Variants in MAP2K7 observed in about 807,000 individuals in gnomAD.
MAP2K7 encodes dual specificity mitogen-activated protein kinase kinase 7.
MAP2K7 carries 12 observed loss-of-function variants against 47.7 expected under a neutral mutation model. The observed-to-expected ratio is 0.25, with a 90% confidence interval of 0.16 to 0.41. The LOEUF (loss-of-function observed/expected upper bound fraction) is 0.41. Ranked by LOEUF, MAP2K7 falls within the 10% of genes least tolerant of loss-of-function variation. The pLI, the probability that MAP2K7 is intolerant of heterozygous loss-of-function variation, is 1.00. For synonymous variants in MAP2K7, 299 were observed against 243.0 expected (o/e 1.23, Z -2.14); for missense variants, 415 against 600.3 (o/e 0.69, Z 3.23).
Position 7,911,283 on chromosome 19 carries a change from C to A in MAP2K7, c.889C>A (p.Pro297Thr). The A allele has an allele frequency of 6.2e-7, 1 of 1,613,272 alleles. No homozygotes were observed. Residue 297 changes from proline to threonine, a missense_variant, in exon 8 of 11, where the codon CCG becomes ACG. Transcript: ENST00000397979. ...CATTGACCCCCCAGACCCCACCAAG[C>A]CGGACTATGACATCCGGGCCGACGT... is the stretch of plus-strand genomic sequence containing the variant. Reference protein sequence around the residue: ...ERIDPPDPTKPDYDIRADVWS... With the variant: ...ERIDPPDPTKTDYDIRADVWS...
At position 7,909,851 on chromosome 19, in the gene MAP2K7, T is replaced by C; in HGVS notation, c.221T>C (p.Met74Thr). The change falls in exon 2 of 11, where the codon ATG becomes ACG. Residue 74 changes from methionine to threonine, a missense_variant. Transcript: ENST00000397979. The stretch of plus-strand genomic sequence containing the variant: ...ACGCCCCCCGCCCGGCCCCGCCACA[T>C]GCTGGGGCTCCCGTCAACCCTGTTC... ...HPTPPARPRH[M>T]LGLPSTLFTP... 1 of 1,539,940 alleles carries C rather than the reference T, an allele frequency of 6.5e-7. No individual in the cohort carries two copies. Among genetic ancestry groups the C allele is most frequent in the Non-Finnish European group, 8.8e-7 (1 of 1,142,848 alleles).
intron 1 of MAP2K7, chr19:7,904,511 C>T (rs1228581152): frequency 6.5e-6 from 2 of 309,096 alleles, no homozygotes; most frequent in East Asian, 3.1e-4. Context: ...CAGCGACGAT[C>T]TACGCACACG....
At position 7,903,930 on chromosome 19, in the gene MAP2K7, G is replaced by GTGGCGGCGGGGAAGA. The variant is rs1310331318; in HGVS notation, c.-6_9dup. 2.4e-5 allele frequency: 37 copies of GTGGCGGCGGGGAAGA among 1,512,302 alleles called. No individual in the cohort carries two copies. Among genetic ancestry groups the GTGGCGGCGGGGAAGA allele is most frequent in the Non-Finnish European group, 3.2e-5 (36 of 1,129,974 alleles). 93.7% of individuals were successfully genotyped at this position (1,512,302 alleles called of 1,614,324 possible). On this transcript the variant is annotated 5_prime_UTR_variant, in exon 1 of 11. The change creates a new upstream start codon in the 5' untranslated region. Coordinates refer to ENST00000397979, the MANE Select transcript of MAP2K7 (RefSeq NM_145185.4). ...GGCGGCCGGGCGGTGCGCGGCGGCG[G>GTGGCGGCGGGGAAGA]TGGCGGCGGGGAAGATGGCGGCGTC...
At position 7,912,208 on chromosome 19, in the gene MAP2K7, C is replaced by T. The variant is rs1177473115; in HGVS notation, c.1125+14C>T. Reference sequence around the variant, plus strand: ...AATAAGCTACTTGTGAGTACCTGAGCCCTCCCAGTCCCCGTCCTGTCCCTG... The same window carrying T: ...AATAAGCTACTTGTGAGTACCTGAGTCCTCCCAGTCCCCGTCCTGTCCCTG... On this transcript the variant is annotated intron_variant, in intron 10 of 10. Transcript: ENST00000397979. 9.9e-6 allele frequency: 16 copies of T among 1,613,870 alleles called. No individual in the cohort carries two copies. Among genetic ancestry groups the T allele is most frequent in the African/African-American group, 4.0e-5 (3 of 75,074 alleles).
intron 8 of MAP2K7, 26 bp downstream of exon 8, chr19:7,911,356 C>T (rs371995801): frequency 3.7e-6 from 6 of 1,613,302 alleles, no homozygotes; most frequent in Non-Finnish European, 5.1e-6. Flanking sequence ...CCCCTGTTCT[C>T]CAGCCAGGAG....
At position 7,903,893 on chromosome 19, in the gene MAP2K7, G is replaced by A; in HGVS notation, c.-52G>A. 1 of 1,403,718 alleles carries A rather than the reference G, an allele frequency of 7.1e-7. No individual in the cohort carries two copies. Among genetic ancestry groups the A allele is most frequent in the Non-Finnish European group, 9.5e-7 (1 of 1,057,026 alleles). The allele number at this position is 1,403,718 out of a possible 1,614,324, so 87.0% of individuals were successfully genotyped here. ...CGCAGGCGCAGTGCGGTGTTTGTCT[G>A]CCGGACTGACGGGCGGCCGGGCGGT... On this transcript the variant is annotated 5_prime_UTR_variant, in exon 1 of 11. Transcript: ENST00000397979.
At position 7,911,033 on chromosome 19, in the gene MAP2K7, C is replaced by T. The variant is rs200791594; in HGVS notation, c.729C>T (p.Asp243=). Residue 243 remains aspartate, a synonymous_variant, in exon 7 of 11, where the codon GAC becomes GAT. Transcript: ENST00000397979. ...LKEKHGVIHR[D]VKPSNILLDE... ...AGAAGCACGGTGTCATCCACCGCGACGTCAAGCCCTCCAACATCCTGCTGG... is the reference window on the plus strand; with the variant it reads ...AGAAGCACGGTGTCATCCACCGCGATGTCAAGCCCTCCAACATCCTGCTGG... 125 of 1,612,786 alleles carry T rather than the reference C, an allele frequency of 7.8e-5. No homozygotes were observed. The highest frequency in any genetic ancestry group is 1.2e-4 in the African/African-American group (9 of 75,056).
rs201945242 is a variant in MAP2K7 at position 7,912,133 on chromosome 19, C to A, written c.1080-16C>A. 9 of 1,613,456 alleles carry A rather than the reference C, an allele frequency of 5.6e-6. No individual in the cohort carries two copies. The highest frequency in any genetic ancestry group is 1.6e-4 in the Middle Eastern group (1 of 6,080). ...CTCCCTCGTTCTCACATCTGTCTTC[C>A]CTTCTCTTGCTCTAGCCTTACTAAA... On this transcript the variant is annotated splice_polypyrimidine_tract_variant and intron_variant, in intron 9 of 10. Transcript: ENST00000397979.
intron 9 of MAP2K7, among the ~76,000 whole-genome samples, chr19:7,911,933 C>G (rs1358515744): frequency 6.6e-6 from 1 of 152,214 alleles, no homozygotes; most frequent in African/African-American, 2.4e-5. Context: ...CTCTGGCCCC[C>G]CAAGCCAGGC....
At chr19:7,904,885 A>G (rs1982346131) in intron 1 of MAP2K7, among the ~76,000 whole-genome samples, 1 of 151,756 alleles carries the variant, frequency 6.6e-6, no homozygotes. Flanking sequence ...TGACCTGGGG[A>G]CACCTGGGGC....
chr19:7,904,183 T>G, intron 1 of MAP2K7, 115 bp downstream of exon 1: 1 of 826,784 alleles, frequency 1.2e-6, no homozygotes, highest in Non-Finnish European at 1.5e-6. Context: ...CGCTCTCCTC[T>G]CCGCCCCCCC....
intron 1 of MAP2K7, 137 bp downstream of exon 1, chr19:7,904,205 C>T: frequency 1.4e-6 from 1 of 736,562 alleles, no homozygotes; most frequent in Non-Finnish European, 1.8e-6. Context: ...GCTGCGGGCT[C>T]GCGGGGCGAG....
intron 1 of MAP2K7, chr19:7,905,761 T>A: frequency 6.8e-7 from 1 of 1,472,518 alleles, no homozygotes; most frequent in Non-Finnish European, 9.5e-7. Context: ...GTCGTTTCTG[T>A]TGTGATTTAT....
At chr19:7,905,705 C>G in intron 1 of MAP2K7, 1 of 1,029,718 alleles carries the variant, frequency 9.7e-7, no homozygotes, top group Admixed American at 1.7e-5. Context: ...GGTGCCTCCC[C>G]CTCCTCCTCG....
chr19:7,905,197 C>T (rs74515633), intron 1 of MAP2K7, among the ~76,000 whole-genome samples: 11,846 of 152,224 alleles, frequency 0.078, 899 homozygotes, highest in East Asian at 0.32. Context: ...TCTCTTGTCT[C>T]CTCTGATGTG....
chr19:7,912,438 G>A lies in MAP2K7; in HGVS notation c.*7G>A. On this transcript the variant is annotated 3_prime_UTR_variant, in exon 11 of 11. Coordinates refer to ENST00000397979, the MANE Select transcript of MAP2K7 (RefSeq NM_145185.4). ...CCTGCCCTTCTTCAGGTAGCTGCTT[G>A]GCGGCGGCCAGCCCCACAGGGGGCC... is the stretch of plus-strand genomic sequence containing the variant. 1 of 1,608,332 alleles carries A rather than the reference G, an allele frequency of 6.2e-7. No homozygotes were observed. Among genetic ancestry groups the A allele is most frequent in the South Asian group, 1.1e-5 (1 of 90,822 alleles).
chr19:7,904,217 G>A (rs1982284595), intron 1 of MAP2K7, 149 bp downstream of exon 1: 7 of 663,918 alleles, frequency 1.1e-5, no homozygotes, highest in South Asian at 1.4e-4. Flanking sequence ...CGGGGCGAGG[G>A]TCACGGTGAC....
chr19:7,910,810 G>T lies in MAP2K7; in HGVS notation c.675+7G>T. On this transcript the variant is annotated splice_region_variant and intron_variant, in intron 6 of 10. Transcript: ENST00000397979. Reference sequence around the variant, plus strand: ...GGGCAAGATGACAGTGGCGGTGAGTGACCAGGCGGGGCTTGCACTGGGCAG... The same window carrying T: ...GGGCAAGATGACAGTGGCGGTGAGTTACCAGGCGGGGCTTGCACTGGGCAG... The T allele has an allele frequency of 6.3e-7, 1 of 1,584,918 alleles. No individual in the cohort carries two copies. Among genetic ancestry groups the T allele is most frequent in the South Asian group, 1.1e-5 (1 of 87,242 alleles).
At chr19:7,905,558 G>A (rs1322983418) in intron 1 of MAP2K7, among the ~76,000 whole-genome samples, 4 of 152,128 alleles carry the variant, frequency 2.6e-5, no homozygotes, top group African/African-American at 7.2e-5. Flanking sequence ...AGGGGTGGCC[G>A]TTCCCATGCA....
Sources: allele counts gnomAD v4.1 joint callset (sites outside exome capture counted in the v4.1 genomes callset), GRCh38; gene constraint gnomAD v4.1.1; transcripts MANE v1.5; gene names NCBI Gene and HGNC (gene_info 2026-07-23, HGNC 2026-07-21).